The following HSPB2 variants were observed in gnomAD, a reference collection of about 807,000 sequenced individuals.
The protein encoded by HSPB2 is heat shock protein family B (small) member 2, also known as heat shock protein beta-2.
In HSPB2, 14 loss-of-function variants were observed where a neutral mutation model predicts 14.1. That is an observed-to-expected ratio of 0.99 (90% CI 0.66 to 1.55). HSPB2 has a LOEUF of 1.55. Among genes scored for constraint, HSPB2 ranks in the 40% most tolerant of loss-of-function variants. The pLI, the probability that HSPB2 is intolerant of heterozygous loss-of-function variation, is 0.00. For synonymous variants in HSPB2, 110 were observed against 103.4 expected (o/e 1.06, Z -0.39); for missense variants, 242 against 241.7 (o/e 1.00, Z -0.01).
At chr11:111,913,236 C>T in intron 1 of HSPB2, 1 of 614,864 alleles carries the variant, frequency 1.6e-6, no homozygotes. Context: ...CCTTCTCCTC[C>T]TCCTCCTCCC....
chr11:111,913,013 C>A (rs1257153013), intron 1 of HSPB2, 90 bp downstream of exon 1: 1 of 926,846 alleles, frequency 1.1e-6, no homozygotes, highest in Admixed American at 2.0e-5. Context: ...CCACCCCACT[C>A]TGGGCTTAAC....
In HSPB2 at chr11:111,913,954, C is replaced by A; in HGVS notation, c.*59C>A. On this transcript the variant is annotated 3_prime_UTR_variant, in exon 2 of 2. Coordinates refer to ENST00000304298, the MANE Select transcript of HSPB2 (RefSeq NM_001541.4). Reference sequence around the variant, plus strand: ...CTACCTCCCAAGGTGATATGGGCAGCTGCCCACCACTCCAGAGGTAGCAGC... The same window carrying A: ...CTACCTCCCAAGGTGATATGGGCAGATGCCCACCACTCCAGAGGTAGCAGC... The A allele has an allele frequency of 1.4e-6, 2 of 1,406,214 alleles. No homozygotes were observed. The highest frequency in any genetic ancestry group is 1.9e-6 in the Non-Finnish European group (2 of 1,029,780). 87.1% of individuals were successfully genotyped at this position (1,406,214 alleles called of 1,614,324 possible).
rs587698938 is a variant in HSPB2, at chr11:111,913,585, T to C, written c.239T>C (p.Val80Ala). The stretch of plus-strand genomic sequence containing the variant: ...GGCAAGTTCCAGGCATTTCTGGATG[T>C]GAGCCACTTTACCCCAGACGAGGTG... ...SEGKFQAFLD[V>A]SHFTPDEVTV... The change falls in exon 2 of 2, where the codon GTG becomes GCG. Residue 80 changes from valine (V) to alanine (A), a missense_variant. By Grantham distance (64) the Val-to-Ala change is moderately conservative. Transcript: ENST00000304298. The C allele has an allele frequency of 3.1e-6, 5 of 1,613,892 alleles. No individual in the cohort carries two copies. The Admixed American group carries it at 8.3e-5, about 27-fold the overall frequency.
At position 111,913,772 on chromosome 11, in the gene HSPB2, A is replaced by G. The variant is rs1281367938; in HGVS notation, c.426A>G (p.Leu142=). ...VRAALSHDGI[L]NLEAPRGGRH... is the part of the protein sequence containing the mutation. ...CTGCTCTCTCCCATGATGGCATCTTAAACCTGGAAGCACCTCGGGGTGGCC... is the reference window on the plus strand; with the variant it reads ...CTGCTCTCTCCCATGATGGCATCTTGAACCTGGAAGCACCTCGGGGTGGCC... Residue 142 remains leucine (L), a synonymous_variant, in exon 2 of 2, where the codon TTA becomes TTG. Transcript: ENST00000304298. The G allele has an allele frequency of 1.2e-6, 2 of 1,614,024 alleles. No individual in the cohort carries two copies. The highest frequency in any genetic ancestry group is 1.7e-6 in the Non-Finnish European group (2 of 1,180,036).
In HSPB2 at chr11:111,913,577, T is replaced by C. The variant is rs376090834; in HGVS notation, c.231T>C (p.Phe77=). ...TCAGTGAGGGCAAGTTCCAGGCATT[T>C]CTGGATGTGAGCCACTTTACCCCAG... ...LRLSEGKFQA[F]LDVSHFTPDE... is the part of the protein sequence containing the mutation. Residue 77 remains phenylalanine (F), a synonymous_variant, in exon 2 of 2, where the codon TTT becomes TTC. Transcript: ENST00000304298. 3 of 1,614,026 alleles carry C rather than the reference T, an allele frequency of 1.9e-6. No individual in the cohort carries two copies. In the African/African-American group the frequency reaches 4.0e-5, roughly 22 times the overall value.
chr11:111,913,227 CT>C lies in HSPB2; in HGVS notation c.95-212del, dbSNP rs1336764600. ...CCTCCTCCTCCTCCCCCTCCTCCTC[CT>C]TCTCCTCCTCCTCCTCCCTTTCCTT... On this transcript the variant is annotated intron_variant, in intron 1 of 1. Transcript: ENST00000304298. 9.8e-6 allele frequency: 6 copies of C among 609,946 alleles called. No homozygotes were observed. The East Asian group carries it at 1.6e-4, about 17-fold the overall frequency. The allele number at this position is 609,946 out of a possible 1,614,324, so 37.8% of individuals were successfully genotyped here. A position where few individuals can be genotyped will look rare whatever the true frequency, so the allele number is the denominator to read the frequency against.
rs1965507278 is a variant in HSPB2 at position 111,912,790 on chromosome 11, G to C, written c.-40G>C. 6.6e-7 allele frequency: 1 copy of C among 1,517,464 alleles called. No individual in the cohort carries two copies. Among genetic ancestry groups the C allele is most frequent in the Non-Finnish European group, 9.0e-7 (1 of 1,112,340 alleles). 94.0% of individuals were successfully genotyped at this position (1,517,464 alleles called of 1,614,324 possible). A position where few individuals can be genotyped will look rare whatever the true frequency, so the allele number is the denominator to read the frequency against. On this transcript the variant is annotated 5_prime_UTR_variant, in exon 1 of 2. Coordinates refer to ENST00000304298, the MANE Select transcript of HSPB2 (RefSeq NM_001541.4). Reference sequence around the variant, plus strand: ...GGAGGGGTCGCGCTGCGCCTGTTGGGGCTGCACCTCGGACCAGGGCTTCTG... The same window carrying C: ...GGAGGGGTCGCGCTGCGCCTGTTGGCGCTGCACCTCGGACCAGGGCTTCTG...
intron 1 of HSPB2, chr11:111,913,206 C>G (rs1439406630): frequency 7.0e-5 from 42 of 603,044 alleles, no homozygotes; most frequent in Non-Finnish European, 1.1e-4. Flanking sequence ...TTGGTGCCTC[C>G]TCCTCCTCCC....
Position 111,912,991 on chromosome 11 carries a change from C to G in HSPB2, c.94+68C>G, listed in dbSNP as rs1265303744. ...CTGAAATTCTGGGCTGACCTCCCAA[C>G]GTTGCTGGCCTCCACCCCACTCTGG... On this transcript the variant is annotated intron_variant, in intron 1 of 1. Coordinates refer to ENST00000304298, the MANE Select transcript of HSPB2 (RefSeq NM_001541.4). 6 of 1,232,526 alleles carry G rather than the reference C, an allele frequency of 4.9e-6. No individual in the cohort carries two copies. In the South Asian group the frequency reaches 7.9e-5, roughly 16 times the overall value. 76.3% of individuals were successfully genotyped at this position (1,232,526 alleles called of 1,614,324 possible). A position where few individuals can be genotyped will look rare whatever the true frequency, so the allele number is the denominator to read the frequency against.
intron 1 of HSPB2, 191 bp downstream of exon 1, chr11:111,913,114 C>CTGAT: frequency 3.2e-6 from 2 of 627,540 alleles, no homozygotes; most frequent in Non-Finnish European, 5.8e-6. Flanking sequence ...CCTCAAGACA[C>CTGAT]ACTTGGTGCT....
rs1406676332 is a variant in HSPB2 at position 111,913,785 on chromosome 11, C to A, written c.439C>A (p.Pro147Thr). 1 of 1,614,074 alleles carries A rather than the reference C, an allele frequency of 6.2e-7. No homozygotes were observed. Among genetic ancestry groups the A allele is most frequent in the Non-Finnish European group, 8.5e-7 (1 of 1,180,052 alleles). The change falls in exon 2 of 2, where the codon CCT becomes ACT. Residue 147 changes from proline to threonine, a missense_variant. By Grantham distance (38) the Pro-to-Thr change is conservative (BLOSUM62 -1). Coordinates refer to ENST00000304298, the MANE Select transcript of HSPB2 (RefSeq NM_001541.4). ...SHDGILNLEA[P>T]RGGRHLDTEV... ...TGATGGCATCTTAAACCTGGAAGCA[C>A]CTCGGGGTGGCCGACATTTGGACAC...
In HSPB2 at chr11:111,913,586, G is replaced by C; in HGVS notation, c.240G>C (p.Val80=). ...SEGKFQAFLD[V]SHFTPDEVTV... ...GCAAGTTCCAGGCATTTCTGGATGT[G>C]AGCCACTTTACCCCAGACGAGGTGA... Residue 80 remains valine (V), a synonymous_variant, in exon 2 of 2, where the codon GTG becomes GTC. Transcript: ENST00000304298. 1 of 1,614,196 alleles carries C rather than the reference G, an allele frequency of 6.2e-7. No individual in the cohort carries two copies. Among genetic ancestry groups the C allele is most frequent in the South Asian group, 1.1e-5 (1 of 91,088 alleles).
At position 111,913,983 on chromosome 11, in the gene HSPB2, C is replaced by A; in HGVS notation, c.*88C>A. ...CCACCACTCCAGAGGTAGCAGCATC[C>A]TTGGGGGAAGGGAAAGGTGCATGGT... On this transcript the variant is annotated 3_prime_UTR_variant, in exon 2 of 2. Coordinates refer to ENST00000304298, the MANE Select transcript of HSPB2 (RefSeq NM_001541.4). The A allele has an allele frequency of 8.6e-7, 1 of 1,165,942 alleles. No individual in the cohort carries two copies. Among genetic ancestry groups the A allele is most frequent in the East Asian group, 2.4e-5 (1 of 41,418 alleles). 72.2% of individuals were successfully genotyped at this position (1,165,942 alleles called of 1,614,324 possible).
Position 111,914,015 on chromosome 11 carries a change from T to G in HSPB2, c.*120T>G. The G allele has an allele frequency of 1.1e-6, 1 of 897,096 alleles. No homozygotes were observed. Among genetic ancestry groups the G allele is most frequent in the East Asian group, 2.6e-5 (1 of 38,132 alleles). 55.6% of individuals were successfully genotyped at this position (897,096 alleles called of 1,614,324 possible). On this transcript the variant is annotated 3_prime_UTR_variant, in exon 2 of 2. Transcript: ENST00000304298. ...GAAGGGAAAGGTGCATGGTCCACAA[T>G]GTATGGTTTGGTCCCATGGGACATG...
At position 111,912,845 on chromosome 11, in the gene HSPB2, G is replaced by A. The variant is rs2137387792; in HGVS notation, c.16G>A (p.Val6Met). The part of the protein sequence containing the change: MSGRS[V>M]PHAHPATAEY... ...ATCTGCAGCCATGTCGGGCCGCTCA[G>A]TGCCACATGCCCACCCGGCCACCGC... Residue 6 changes from valine (V) to methionine (M), a missense_variant, in exon 1 of 2, where the codon GTG becomes ATG. Val to Met is a conservative substitution (Grantham distance 21, BLOSUM62 1). Coordinates refer to ENST00000304298, the MANE Select transcript of HSPB2 (RefSeq NM_001541.4). 1.9e-6 allele frequency: 3 copies of A among 1,605,610 alleles called. No homozygotes were observed. Among genetic ancestry groups the A allele is most frequent in the Middle Eastern group, 2.0e-4 (1 of 5,010 alleles).
At chr11:111,913,229 T>TCTCCTC in intron 1 of HSPB2, 1 of 584,968 alleles carries the variant, frequency 1.7e-6, no homozygotes, top group South Asian at 2.0e-5. Flanking sequence ...TCCTCCTCCT[T>TCTCCTC]CTCCTCCTCC....
chr11:111,913,060 A>G, intron 1 of HSPB2, 137 bp downstream of exon 1: 1 of 643,196 alleles, frequency 1.6e-6, no homozygotes. Context: ...ACCCCAGACT[A>G]CCCCTCATCC....
chr11:111,913,302 T>C, intron 1 of HSPB2, 139 bp from the exon 2 acceptor site: 1 of 690,208 alleles, frequency 1.4e-6, no homozygotes, highest in Non-Finnish European at 2.5e-6. Context: ...CTAGCTACAG[T>C]GTGGCCTCCC....
intron 1 of HSPB2, chr11:111,913,208 C>T: frequency 3.3e-6 from 2 of 598,860 alleles, no homozygotes; most frequent in East Asian, 5.6e-5. Context: ...GGTGCCTCCT[C>T]CTCCTCCCCC....
Sources: allele counts gnomAD v4.1 joint callset, GRCh38; gene constraint gnomAD v4.1.1; transcripts MANE v1.5; gene names NCBI Gene and HGNC (gene_info 2026-07-23, HGNC 2026-07-21).